FNBP4: variants seen among roughly 807,000 people sequenced by gnomAD.
FNBP4 encodes formin-binding protein 4.
FNBP4 carries 34 observed loss-of-function variants against 119.3 expected under a neutral mutation model. That is an observed-to-expected ratio of 0.28 (90% CI 0.22 to 0.38). The LOEUF (loss-of-function observed/expected upper bound fraction) is 0.38. FNBP4 is among the 10% of genes least tolerant of loss of function. The probability of loss-of-function intolerance (pLI) is 1.00; values close to 1 mark genes in which losing one functional copy is unlikely to be tolerated. For missense variants in FNBP4, 1,112 were observed against 1,228.9 expected, an observed-to-expected ratio of 0.90 and a Z score of 1.42; for synonymous variants, 462 against 430.6, an observed-to-expected ratio of 1.07 and a Z score of -0.90.
chr11:47,751,113 A>C (rs2097602551), intron 5 of FNBP4, 30 bp downstream of exon 5: 36 of 1,613,654 alleles, frequency 2.2e-5, no homozygotes, highest in Non-Finnish European at 3.0e-5. Context: ...ATTTCCTTCT[A>C]GGCAATTTCA....
intron 2 of FNBP4, among the ~76,000 whole-genome samples, chr11:47,759,778 T>A (rs2097629136): frequency 6.6e-6 from 1 of 151,866 alleles, no homozygotes; most frequent in East Asian, 1.9e-4. Flanking sequence ...ATGGTGAAAC[T>A]CATCTCTACT....
chr11:47,723,931 C>A, intron 14 of FNBP4, 97 bp downstream of exon 14: 1 of 1,068,890 alleles, frequency 9.4e-7, no homozygotes, highest in Non-Finnish European at 1.3e-6. Flanking sequence ...TCTTTGCAAT[C>A]AAGAGCCTTT....
intron 2 of FNBP4, 77 bp downstream of exon 2, chr11:47,765,193 C>T: frequency 1.1e-6 from 1 of 894,714 alleles, no homozygotes; most frequent in Non-Finnish European, 1.8e-6. Context: ...TTCAGCAAAA[C>T]ATTCTATGTA....
In FNBP4 at chr11:47,717,149, G is replaced by C. The variant is rs762471789; in HGVS notation, c.*273C>G. 3.1e-6 allele frequency: 1 copy of C among 324,592 alleles called. No individual in the cohort carries two copies. Among genetic ancestry groups the C allele is most frequent in the Non-Finnish European group, 5.7e-6 (1 of 176,366 alleles). 20.1% of individuals were successfully genotyped at this position (324,592 alleles called of 1,614,324 possible). On this transcript the variant is annotated 3_prime_UTR_variant, in exon 17 of 17. Transcript: ENST00000263773. ...TACTCATGAGCCACATGTTCTTCAA[G>C]ACTGATGAGGTTAATACACCTAACA...
intron 16 of FNBP4, among the ~76,000 whole-genome samples, chr11:47,719,576 A>ATG (rs66711141): frequency 0.048 from 7,102 of 147,706 alleles, 226 homozygotes; most frequent in South Asian, 0.13. Flanking sequence ...TTATGTGTGT[A>ATG]TGTGTGTGTG....
chr11:47,749,144 C>T (rs1341557639), intron 6 of FNBP4, among the ~76,000 whole-genome samples: 1 of 151,980 alleles, frequency 6.6e-6, no homozygotes, highest in Non-Finnish European at 1.5e-5. Context: ...CATGGTGGTG[C>T]ACACCTGTAG....
At chr11:47,733,497 G>A (rs1000906635) in intron 10 of FNBP4, among the ~76,000 whole-genome samples, 10 of 151,984 alleles carry the variant, frequency 6.6e-5, no homozygotes, top group Non-Finnish European at 8.8e-5. Context: ...CACCACGCCC[G>A]GCTAATTTTG....
chr11:47,750,550 G>A (rs2135223708), intron 6 of FNBP4, among the ~76,000 whole-genome samples: 1 of 151,102 alleles, frequency 6.6e-6, no homozygotes, highest in South Asian at 2.1e-4. Flanking sequence ...TAAGCCAGGT[G>A]TGGTAGCGGG....
intron 12 of FNBP4, chr11:47,727,132 C>A (rs897347416): frequency 3.3e-5 from 5 of 152,076 alleles, no homozygotes; most frequent in African/African-American, 4.8e-5. Context: ...TGGTTTATGA[C>A]CTCCAACAAA....
chr11:47,753,171 CACTTTTTA>C, intron 3 of FNBP4, 69 bp from the exon 4 acceptor site: 1 of 1,347,322 alleles, frequency 7.4e-7, no homozygotes, highest in Non-Finnish European at 1.0e-6. Flanking sequence ...AAATGGCAAT[CACTTTTTA>C]AAAATTCTAC....
chr11:47,720,345 G>A (rs1208480702), intron 15 of FNBP4, among the ~76,000 whole-genome samples: 1 of 151,908 alleles, frequency 6.6e-6, no homozygotes, highest in South Asian at 2.1e-4. Context: ...GAGGCGGGCG[G>A]ATCACAAGGT....
chr11:47,746,248 T>A lies in FNBP4; in HGVS notation c.1053A>T (p.Pro351=), dbSNP rs756187334. ...WRRKVICKEE[P]VSEVKETSTT... ...TACTTGTTTCTTTTACTTCTGAAAC[T>A]GGCTCCTCTTTACAAATTACTTTTC... The change falls in exon 7 of 17, where the codon CCA becomes CCT. Residue 351 remains proline, a synonymous_variant. Coordinates refer to ENST00000263773, the MANE Select transcript of FNBP4 (RefSeq NM_015308.5). 1.2e-6 allele frequency: 2 copies of A among 1,614,176 alleles called. No homozygotes were observed.
rs148100729 is a variant in FNBP4 at position 47,751,429 on chromosome 11, G to A, written c.638-139C>T. On this transcript the variant is annotated intron_variant, in intron 4 of 16. Transcript: ENST00000263773. ...GCACACAGGTCTTTGTTGTGGAGGG[G>A]CAATCCTATGTGGAGGTTTTAGCAG... The A allele has an allele frequency of 4.4e-5, 40 of 913,042 alleles. No individual in the cohort carries two copies. The African/African-American group carries it at 5.8e-4, about 13-fold the overall frequency. 56.6% of individuals were successfully genotyped at this position (913,042 alleles called of 1,614,324 possible). A position where few individuals can be genotyped will look rare whatever the true frequency, so the allele number is the denominator to read the frequency against.
chr11:47,719,568 A>ATGTGTG (rs1203883663), intron 16 of FNBP4, among the ~76,000 whole-genome samples: 3 of 104,822 alleles, frequency 2.9e-5, no homozygotes, highest in African/African-American at 1.1e-4. Flanking sequence ...TTAATATGTT[A>ATGTGTG]TGTGTGTATG....
Position 47,744,094 on chromosome 11 carries a change from GGCT to G in FNBP4, c.1312_1314del (p.Ser438del), listed in dbSNP as rs764052191. 1 of 1,614,080 alleles carries G rather than the reference GGCT, an allele frequency of 6.2e-7. No homozygotes were observed. Among genetic ancestry groups the G allele is most frequent in the Non-Finnish European group, 8.5e-7 (1 of 1,180,002 alleles). ...CGCATTCCATCTTGAGATGCTGGCT[GGCT>G]GATATCAGAACGTGGACTAGACCCT... On this transcript the variant is annotated inframe_deletion, in exon 8 of 17. Transcript: ENST00000263773.
chr11:47,734,501 G>A (rs548123688), intron 9 of FNBP4, among the ~76,000 whole-genome samples: 1 of 152,256 alleles, frequency 6.6e-6, no homozygotes, highest in East Asian at 1.9e-4. Context: ...ACAGATGTGA[G>A]CCACTGTGCC....
In FNBP4 at chr11:47,724,093, A is replaced by G; in HGVS notation, c.2399T>C (p.Val800Ala). The change falls in exon 14 of 17, where the codon GTG becomes GCG. Residue 800 changes from valine to alanine, a missense_variant. By Grantham distance (64) the Val-to-Ala change is moderately conservative. This residue lies in a region of FNBP4 where 826 missense variants were observed against 988.8 expected (regional missense o/e 0.84). Transcript: ENST00000263773. ...GCCAATGGTAGCTGACCTCTGAACC[A>G]CTGCAGTGCTAATTTCTGTAGCTTT... ...KRKATEISTA[V>A]VQRSATIGSS... 6.2e-7 allele frequency: 1 copy of G among 1,614,176 alleles called. No individual in the cohort carries two copies. Among genetic ancestry groups the G allele is most frequent in the Middle Eastern group, 1.6e-4 (1 of 6,062 alleles).
intron 8 of FNBP4, among the ~76,000 whole-genome samples, chr11:47,740,079 CGT>C (rs1244444843): frequency 6.6e-6 from 1 of 151,816 alleles, no homozygotes; most frequent in Admixed American, 6.6e-5. Flanking sequence ...GGATTATAGG[CGT>C]GAGCCAGGCC....
chr11:47,729,138 C>CA (rs2097564612), intron 12 of FNBP4: 8 of 984,294 alleles, frequency 8.1e-6, no homozygotes, highest in Non-Finnish European at 9.7e-6. Context: ...AGGCATGAGC[C>CA]ACTGCACCCG....
Sources: allele counts gnomAD v4.1 joint callset (sites outside exome capture counted in the v4.1 genomes callset), GRCh38; gene constraint gnomAD v4.1.1; regional missense constraint gnomAD v4.1.1; transcripts MANE v1.5; gene names NCBI Gene and HGNC (gene_info 2026-07-23, HGNC 2026-07-21).